UCHL3: variants seen among roughly 807,000 people sequenced by gnomAD.
UCHL3 encodes ubiquitin carboxyl-terminal hydrolase isozyme L3.
Under a neutral mutation model 35.8 loss-of-function variants are expected in UCHL3, and 22 were observed. The ratio of observed to expected loss-of-function variants is 0.61; its 90% confidence interval spans 0.44 to 0.88. The LOEUF (loss-of-function observed/expected upper bound fraction) is 0.88. Among genes scored for constraint, UCHL3 ranks in the 40% least tolerant of loss-of-function variants. The probability of loss-of-function intolerance (pLI) is 0.00; values close to 1 mark genes in which losing one functional copy is unlikely to be tolerated. For missense variants in UCHL3, 229 were observed against 276.9 expected (o/e 0.83, Z 1.23); for synonymous variants, 90 against 92.8 (o/e 0.97, Z 0.17).
At chr13:75,549,529 C>T (rs535245498), upstream of UCHL3, 12 of 412,940 alleles carry the variant, frequency 2.9e-5, no homozygotes, top group Non-Finnish European at 4.7e-5. Context: ...TCGGAAGAGT[C>T]CAAGCGTGAG....
chr13:75,573,002 C>T (rs1232830638), intron 6 of UCHL3, among the ~76,000 whole-genome samples: 3 of 152,182 alleles, frequency 2.0e-5, no homozygotes, highest in African/African-American at 4.8e-5. Flanking sequence ...TGGGGGCTCA[C>T]GCCTGTAATC....
intron 7 of UCHL3, among the ~76,000 whole-genome samples, chr13:75,600,999 G>T (rs540301372): frequency 3.3e-5 from 5 of 152,196 alleles, no homozygotes; most frequent in African/African-American, 1.2e-4. Flanking sequence ...GACTTTGAGG[G>T]GTTTAAGACT....
chr13:75,578,465 C>T (rs530136990), intron 6 of UCHL3, among the ~76,000 whole-genome samples: 14 of 152,176 alleles, frequency 9.2e-5, no homozygotes, highest in African/African-American at 3.4e-4. Flanking sequence ...TGTTTGAGCA[C>T]CTACTGTACT....
At chr13:75,565,910 C>T (rs1252534714) in intron 3 of UCHL3, among the ~76,000 whole-genome samples, 2 of 152,156 alleles carry the variant, frequency 1.3e-5, no homozygotes, top group Non-Finnish European at 2.9e-5. Flanking sequence ...AGGACGTGGG[C>T]CCAGGCAGTC....
intron 6 of UCHL3, among the ~76,000 whole-genome samples, chr13:75,589,650 T>G (rs2032422261): frequency 6.6e-6 from 1 of 152,198 alleles, no homozygotes; most frequent in African/African-American, 2.4e-5. Flanking sequence ...ATAATTTTAG[T>G]GGCTTTTACA....
chr13:75,574,021 TC>T (rs1324965205), intron 6 of UCHL3, among the ~76,000 whole-genome samples: 1 of 152,168 alleles, frequency 6.6e-6, no homozygotes, highest in Non-Finnish European at 1.5e-5. Flanking sequence ...ATCGAGGCCA[TC>T]CTGGCTAACA....
chr13:75,600,443 G>A (rs992805216), intron 7 of UCHL3, among the ~76,000 whole-genome samples: 3 of 152,174 alleles, frequency 2.0e-5, no homozygotes, highest in African/African-American at 7.2e-5. Context: ...AATGCAGACG[G>A]TGACTTTCAG....
intron 2 of UCHL3, among the ~76,000 whole-genome samples, chr13:75,556,300 TAA>T (rs1275621096): frequency 6.6e-6 from 1 of 152,250 alleles, no homozygotes; most frequent in East Asian, 1.9e-4. Context: ...TCTGTCTCAT[TAA>T]AATTTATTTT....
intron 6 of UCHL3, chr13:75,590,321 C>T (rs2032448208): frequency 3.6e-6 from 3 of 843,476 alleles, no homozygotes; most frequent in Non-Finnish European, 4.3e-6. Flanking sequence ...TGCCTCAGAA[C>T]ATCCATCTTT....
chr13:75,550,251 G>A (rs528905567), intron 2 of UCHL3, among the ~76,000 whole-genome samples: 28 of 152,244 alleles, frequency 1.8e-4, no homozygotes, highest in East Asian at 7.7e-4. Flanking sequence ...AGGTTTGGAG[G>A]GACTTTTACC....
intron 6 of UCHL3, chr13:75,590,047 C>T (rs1566226538): frequency 7.7e-7 from 1 of 1,304,612 alleles, no homozygotes; most frequent in African/African-American, 1.5e-5. Context: ...CATGTAGGCC[C>T]TGCAAAGGCT....
At chr13:75,550,113 T>C in intron 2 of UCHL3, 126 bp downstream of exon 2, 1 of 1,477,116 alleles carries the variant, frequency 6.8e-7, no homozygotes, top group Non-Finnish European at 9.4e-7. Flanking sequence ...GCCCCTCTTG[T>C]TCGGCTTTAC....
At chr13:75,597,795 G>C in intron 7 of UCHL3, among the ~76,000 whole-genome samples, 1 of 152,136 alleles carries the variant, frequency 6.6e-6, no homozygotes, top group East Asian at 1.9e-4. Flanking sequence ...CATTGTGCAA[G>C]TTAATTTCTA....
intron 2 of UCHL3, among the ~76,000 whole-genome samples, chr13:75,557,760 G>C (rs1372000154): frequency 2.0e-5 from 3 of 152,128 alleles, no homozygotes; most frequent in Non-Finnish European, 2.9e-5. Context: ...CAGTTCTATA[G>C]ATTTGTAACT....
intron 7 of UCHL3, among the ~76,000 whole-genome samples, chr13:75,601,059 A>G (rs1477449939): frequency 3.3e-5 from 5 of 152,192 alleles, no homozygotes; most frequent in Non-Finnish European, 7.3e-5. Context: ...AGAAAACTAG[A>G]ATTAGAAGGG....
chr13:75,584,087 C>T (rs1393015450), intron 6 of UCHL3, among the ~76,000 whole-genome samples: 2 of 152,140 alleles, frequency 1.3e-5, no homozygotes, highest in Admixed American at 1.3e-4. Context: ...AGACAGAAAA[C>T]CTTTCCTGGG....
chr13:75,584,620 G>A (rs772174909), intron 6 of UCHL3, among the ~76,000 whole-genome samples: 4 of 152,112 alleles, frequency 2.6e-5, no homozygotes, highest in East Asian at 3.9e-4. Flanking sequence ...TTAACCAAAA[G>A]CATTCAGCAG....
intron 6 of UCHL3, among the ~76,000 whole-genome samples, chr13:75,583,778 A>T (rs2032249825): frequency 6.6e-6 from 1 of 152,250 alleles, no homozygotes; most frequent in South Asian, 2.1e-4. Flanking sequence ...AGATATACTT[A>T]CTGAGATGAA....
intron 6 of UCHL3, among the ~76,000 whole-genome samples, chr13:75,591,786 T>C (rs2032483465): frequency 6.6e-6 from 1 of 152,176 alleles, no homozygotes; most frequent in African/African-American, 2.4e-5. Flanking sequence ...TTATATTACG[T>C]ACCTTATTGG....
Sources: gnomAD v4.1 joint callset for allele counts (sites outside exome capture counted in the v4.1 genomes callset) on GRCh38, gnomAD v4.1.1 for gene constraint, MANE v1.5 for transcripts, NCBI Gene and HGNC (gene_info 2026-07-23, HGNC 2026-07-21) for gene names.